Variants in TNRC6C observed in about 807,000 individuals in gnomAD.
TNRC6C encodes trinucleotide repeat containing adaptor 6C.
A neutral mutation model predicts 153.7 loss-of-function variants in TNRC6C; 20 were observed. That is an observed-to-expected ratio of 0.13 (90% CI 0.09 to 0.19). TNRC6C has a LOEUF of 0.19. TNRC6C is among the 10% of genes least tolerant of loss of function. The pLI is 1.00. For missense variants in TNRC6C, 1,987 were observed against 2,172.0 expected (o/e 0.91, Z 1.69); for synonymous variants, 811 against 841.4 (o/e 0.96, Z 0.63).
chr17:78,057,259 T>A (rs1340629491), intron 3 of TNRC6C, among the ~76,000 whole-genome samples: 1 of 152,242 alleles, frequency 6.6e-6, no homozygotes. Flanking sequence ...ATTCCTGCCC[T>A]GTATTACCTG....
At chr17:78,031,448 T>C in intron 1 of TNRC6C, 68 bp from the exon 4 acceptor site, 1 of 1,156,334 alleles carries the variant, frequency 8.6e-7, no homozygotes, top group Non-Finnish European at 1.1e-6. Context: ...ATGGTTTCCT[T>C]GGTTTGGGTT....
At chr17:78,083,084 T>G (rs764933134) in exon 11 of TNRC6C, 2 of 1,614,006 alleles carry the variant, frequency 1.2e-6, no homozygotes, top group Admixed American at 3.3e-5. Context: ...GCAAAAAACA[T>G]TGGTCTCAAC....
In TNRC6C at chr17:77,999,165, A is replaced by G. The variant is rs140649977; in HGVS notation, c.-37-5005A>G. On this transcript the variant is annotated intron_variant, in intron 1 of 22. Transcript: ENST00000636222. ...GTGAAGGTTTGTACACAGAATTGGG[A>G]GATTCCCTTTTCCAGCTGATTTCTC... Among the ~76,000 whole-genome samples the G allele has an allele frequency of 1.8e-3, 276 of 152,350 alleles. 1 individual carries two copies. The highest frequency in any genetic ancestry group is 6.3e-3 in the African/African-American group (261 of 41,592).
chr17:78,006,898 G>A (rs2071528271), intron 1 of TNRC6C, among the ~76,000 whole-genome samples: 1 of 149,516 alleles, frequency 6.7e-6, no homozygotes, highest in African/African-American at 2.5e-5. Context: ...GCATGATCTC[G>A]GCTCACTGCA....
At chr17:78,015,470 A>G (rs1025146370) in intron 1 of TNRC6C, among the ~76,000 whole-genome samples, 3 of 152,230 alleles carry the variant, frequency 2.0e-5, no homozygotes, top group Non-Finnish European at 4.4e-5. Flanking sequence ...TTTCACACCT[A>G]CTTGTTATTA....
chr17:78,068,661 G>A (rs1288170515), intron 5 of TNRC6C, among the ~76,000 whole-genome samples: 1 of 152,192 alleles, frequency 6.6e-6, no homozygotes, highest in Non-Finnish European at 1.5e-5. Flanking sequence ...GGGCGTGGTG[G>A]TGGGTGCCTG....
chr17:78,008,873 A>G (rs1020602358), intron 1 of TNRC6C: 3 of 152,190 alleles, frequency 2.0e-5, no homozygotes, highest in Admixed American at 1.3e-4. Flanking sequence ...CTCTCTATGA[A>G]TTCATATACA....
At chr17:77,962,468 G>C (rs1187038289) in intron 1 of TNRC6C, among the ~76,000 whole-genome samples, 1 of 152,124 alleles carries the variant, frequency 6.6e-6, no homozygotes, top group Non-Finnish European at 1.5e-5. Flanking sequence ...ATTAAGATTT[G>C]GGGATAGAGC....
chr17:78,048,968 C>T (rs759999560), exon 3 of TNRC6C: 94 of 1,385,408 alleles, frequency 6.8e-5, no homozygotes, highest in Non-Finnish European at 8.4e-5. Context: ...GACAAGGAGG[C>T]GTGGCCTTCC....
At chr17:77,958,502 G>T (rs1185801331), upstream of TNRC6C, among the ~76,000 whole-genome samples, 1 of 151,788 alleles carries the variant, frequency 6.6e-6, no homozygotes, top group Non-Finnish European at 1.5e-5. Flanking sequence ...GCCTGGCCGA[G>T]GAGCCAATGG....
intron 8 of TNRC6C, 29 bp from the exon 11 acceptor site, chr17:78,077,156 C>A (rs1383627399): frequency 6.3e-7 from 1 of 1,590,416 alleles, no homozygotes; most frequent in African/African-American, 1.3e-5. Context: ...GGACACTGCA[C>A]ACAGCTCACC....
intron 1 of TNRC6C, among the ~76,000 whole-genome samples, chr17:77,996,992 C>G (rs965093452): frequency 1.3e-5 from 2 of 152,118 alleles, no homozygotes; most frequent in African/African-American, 4.8e-5. Flanking sequence ...AGAAGCATTA[C>G]TTGTTCTGTG....
intron 1 of TNRC6C, among the ~76,000 whole-genome samples, chr17:77,969,340 C>A (rs538736935): frequency 6.6e-6 from 1 of 152,052 alleles, no homozygotes; most frequent in South Asian, 2.1e-4. Flanking sequence ...ACCTCTGCAA[C>A]CTGGGTTCAA....
intron 14 of TNRC6C, among the ~76,000 whole-genome samples, chr17:78,092,027 C>G (rs1466326802): frequency 6.6e-6 from 1 of 152,202 alleles, no homozygotes; most frequent in Non-Finnish European, 1.5e-5. Context: ...TTATTCCCCT[C>G]CATCCAAGCA....
chr17:78,033,199 A>G (rs2072108863), intron 2 of TNRC6C, among the ~76,000 whole-genome samples: 1 of 152,230 alleles, frequency 6.6e-6, no homozygotes, highest in Admixed American at 6.5e-5. Context: ...GTATTGCATC[A>G]GTTTTCTCAT....
intron 16 of TNRC6C, among the ~76,000 whole-genome samples, chr17:78,094,710 G>A (rs1238160444): frequency 6.6e-6 from 1 of 152,226 alleles, no homozygotes; most frequent in Non-Finnish European, 1.5e-5. Flanking sequence ...AAAGTGCTGG[G>A]ATTACAGGCG....
At chr17:78,027,100 A>G (rs545812002) in intron 1 of TNRC6C, among the ~76,000 whole-genome samples, 1 of 152,292 alleles carries the variant, frequency 6.6e-6, no homozygotes, top group Non-Finnish European at 1.5e-5. Flanking sequence ...TGGCATAGAG[A>G]AGAAGGCAGG....
At chr17:77,968,360 G>C (rs764332954) in intron 1 of TNRC6C, among the ~76,000 whole-genome samples, 9 of 150,212 alleles carry the variant, frequency 6.0e-5, no homozygotes, top group African/African-American at 1.2e-4. Context: ...GTTGTTGTTT[G>C]AGACGTAGTC....
chr17:78,050,314 G>A, exon 3 of TNRC6C: 1 of 1,576,302 alleles, frequency 6.3e-7, no homozygotes. Context: ...AGGAACGGGA[G>A]AAGGCCGAAG....
Sources: gnomAD v4.1 joint callset for allele counts (sites outside exome capture counted in the v4.1 genomes callset) on GRCh38, gnomAD v4.1.1 for gene constraint, MANE v1.5 for transcripts, NCBI Gene and HGNC (gene_info 2026-07-23, HGNC 2026-07-21) for gene names.